CHRM3: variants seen among roughly 807,000 people sequenced by gnomAD.
CHRM3 encodes cholinergic receptor muscarinic 3.
A neutral mutation model predicts 41.8 loss-of-function variants in CHRM3; 11 were observed. The ratio of observed to expected loss-of-function variants is 0.26; its 90% CI spans 0.17 to 0.44. CHRM3 has a LOEUF of 0.44. Ranked by LOEUF, CHRM3 falls within the 20% of genes least tolerant of loss-of-function variation. The probability of loss-of-function intolerance (pLI) is 1.00; values close to 1 mark genes in which losing one functional copy is unlikely to be tolerated. For missense variants in CHRM3, 571 were observed against 745.4 expected, an observed-to-expected ratio of 0.77 and a Z score of 2.72; for synonymous variants, 297 against 301.4, an observed-to-expected ratio of 0.99 and a Z score of 0.15.
At position 239,908,349 on chromosome 1, in the gene CHRM3, A is replaced by C. The variant is rs1680129645; in HGVS notation, c.898A>C (p.Met300Leu). Residue 300 changes from methionine (M) to leucine (L), a missense_variant, in exon 7 of 7, where the codon ATG becomes CTG. Around this residue, in one of 5 missense-constraint regions of CHRM3, gnomAD observed 239 missense variants for 239.6 expected, o/e 1.00. Transcript: ENST00000676153. The surrounding 1 kb of genome is among the most constrained non-coding windows in gnomAD (Gnocchi z 7.2). ...CSSYELQQQS[M>L]KRSNRRKYGR... is the part of the protein sequence containing the mutation. Reference sequence around the variant, plus strand: ...CAGTTACGAACTTCAACAGCAAAGCATGAAACGCTCCAACAGGAGGAAGTA... The same window carrying C: ...CAGTTACGAACTTCAACAGCAAAGCCTGAAACGCTCCAACAGGAGGAAGTA... 3.1e-6 allele frequency: 5 copies of C among 1,614,002 alleles called. No homozygotes were observed. Among genetic ancestry groups the C allele is most frequent in the Admixed American group, 1.7e-5 (1 of 60,008 alleles).
intron 5 of CHRM3, among the ~76,000 whole-genome samples, chr1:239,741,897 T>G (rs1319984714): frequency 1.3e-5 from 2 of 152,210 alleles, no homozygotes; most frequent in Non-Finnish European, 2.9e-5. Flanking sequence ...CAACCTCATT[T>G]CTACCTATCC....
intron 6 of CHRM3, among the ~76,000 whole-genome samples, chr1:239,895,654 C>T (rs1208781760): frequency 6.6e-6 from 1 of 152,154 alleles, no homozygotes; most frequent in Non-Finnish European, 1.5e-5. Flanking sequence ...AAAATGAGAT[C>T]ATGTCCTTTG....
chr1:239,825,583 A>G (rs1011600167), intron 5 of CHRM3, among the ~76,000 whole-genome samples: 3 of 152,250 alleles, frequency 2.0e-5, no homozygotes, highest in Admixed American at 6.5e-5. Context: ...ACCTACATTC[A>G]TAGCAGCATT....
chr1:239,670,116 G>A (rs116097394), intron 4 of CHRM3, among the ~76,000 whole-genome samples: 22 of 152,198 alleles, frequency 1.4e-4, no homozygotes, highest in South Asian at 6.2e-4. Flanking sequence ...AATAACAAGC[G>A]CTCATCTTTA....
At chr1:239,813,022 G>A (rs1438709361) in intron 5 of CHRM3, among the ~76,000 whole-genome samples, 1 of 152,206 alleles carries the variant, frequency 6.6e-6, no homozygotes, top group East Asian at 1.9e-4. Context: ...GCTCATGCCT[G>A]TAATCCCAGC....
chr1:239,590,872 GA>G (rs943625393), intron 3 of CHRM3, among the ~76,000 whole-genome samples: 5 of 150,484 alleles, frequency 3.3e-5, no homozygotes, highest in South Asian at 2.1e-4. Flanking sequence ...ATTTTCATGG[GA>G]AAAAAAAAGA....
Position 239,888,354 on chromosome 1 carries a change from G to A in CHRM3, c.-19-19079G>A, listed in dbSNP as rs184391585. Reference sequence around the variant, plus strand: ...CTGCATTCCACACTCCAGCCTGAGCGAGAGACTCTGTCTCAAAAAAAAAAG... The same window carrying A: ...CTGCATTCCACACTCCAGCCTGAGCAAGAGACTCTGTCTCAAAAAAAAAAG... On this transcript the variant is annotated intron_variant, in intron 6 of 6. Coordinates refer to ENST00000676153, the MANE Select transcript of CHRM3 (RefSeq NM_001375978.1). Among the ~76,000 whole-genome samples the A allele has an allele frequency of 1.2e-4, 18 of 150,518 alleles. 1 individual carries two copies. Among genetic ancestry groups the A allele is most frequent in the South Asian group, 4.2e-4 (2 of 4,766 alleles).
intron 2 of CHRM3, among the ~76,000 whole-genome samples, chr1:239,508,649 T>TA (rs1668728629): frequency 6.6e-6 from 1 of 152,192 alleles, no homozygotes; most frequent in Admixed American, 6.5e-5. Context: ...AGTACGTTCT[T>TA]ACGAAATCAG....
In CHRM3 at chr1:239,685,620, C is replaced by T. The variant is rs183923323; in HGVS notation, c.-147+7332C>T. Among the ~76,000 whole-genome samples the T allele has an allele frequency of 3.7e-3, 557 of 152,140 alleles. 1 individual carries two copies. The highest frequency in any genetic ancestry group is 0.013 in the African/African-American group (532 of 41,496). ...AGCAGATCACCTGAGGTCAGGAATT[C>T]GAGACCAGCCTGGCCAACATAGTGA... On this transcript the variant is annotated intron_variant, in intron 5 of 6. Transcript: ENST00000676153.
intron 5 of CHRM3, among the ~76,000 whole-genome samples, chr1:239,692,775 G>A (rs938219657): frequency 3.3e-5 from 5 of 152,132 alleles, no homozygotes; most frequent in Admixed American, 6.5e-5. Flanking sequence ...CCAATGTAAA[G>A]GCTTTACACT....
At chr1:239,556,984 A>T (rs1401024765) in intron 3 of CHRM3, among the ~76,000 whole-genome samples, 1 of 152,144 alleles carries the variant, frequency 6.6e-6, no homozygotes, top group African/African-American at 2.4e-5. Context: ...AATTTTTTTA[A>T]AAATTTTAAA....
At chr1:239,744,395 C>T (rs1665158915) in intron 5 of CHRM3, among the ~76,000 whole-genome samples, 1 of 151,930 alleles carries the variant, frequency 6.6e-6, no homozygotes, top group Non-Finnish European at 1.5e-5. Flanking sequence ...GGGGGAATAG[C>T]AGATTGCAAT....
intron 1 of CHRM3, among the ~76,000 whole-genome samples, chr1:239,396,171 C>G (rs1659459074): frequency 6.6e-6 from 1 of 152,120 alleles, no homozygotes; most frequent in Non-Finnish European, 1.5e-5. Flanking sequence ...TCACTTTTAT[C>G]CCTGATTACA....
intron 5 of CHRM3, among the ~76,000 whole-genome samples, chr1:239,821,971 T>C (rs1246353064): frequency 6.6e-6 from 1 of 152,168 alleles, no homozygotes; most frequent in Non-Finnish European, 1.5e-5. Flanking sequence ...CCTGCCACCC[T>C]GTGAGGAAGG....
At chr1:239,609,386 T>C (rs1666737267) in intron 3 of CHRM3, among the ~76,000 whole-genome samples, 1 of 152,230 alleles carries the variant, frequency 6.6e-6, no homozygotes, top group Admixed American at 6.5e-5. Flanking sequence ...ACTATTTGTT[T>C]ATCCAGTCAC....
intron 5 of CHRM3, chr1:239,718,705 A>G (rs1006741088): frequency 3.8e-4 from 57 of 151,994 alleles, no homozygotes; most frequent in African/African-American, 1.4e-3. Flanking sequence ...TGAAGAAAAC[A>G]CAAGGAAAGA....
At chr1:239,430,954 C>A (rs1024896927) in intron 1 of CHRM3, among the ~76,000 whole-genome samples, 5 of 152,066 alleles carry the variant, frequency 3.3e-5, no homozygotes, top group African/African-American at 1.2e-4. Context: ...TTTCAACATA[C>A]TGATGTACTA....
chr1:239,666,160 C>T (rs1450354572), intron 4 of CHRM3, among the ~76,000 whole-genome samples: 13 of 151,486 alleles, frequency 8.6e-5, no homozygotes, highest in Non-Finnish European at 1.3e-4. Flanking sequence ...TCCTATTTCT[C>T]CACATCCTCT....
At chr1:239,791,031 G>A (rs1669303209) in intron 5 of CHRM3, among the ~76,000 whole-genome samples, 1 of 144,192 alleles carries the variant, frequency 6.9e-6, no homozygotes, top group African/African-American at 2.6e-5. Flanking sequence ...GAAAATATCT[G>A]TAGGAGTCGC....
Sources: allele counts gnomAD v4.1 joint callset (sites outside exome capture counted in the v4.1 genomes callset), GRCh38; gene constraint gnomAD v4.1.1; regional missense constraint gnomAD v4.1.1; non-coding constraint Gnocchi (gnomAD v3.1); transcripts MANE v1.5; gene names NCBI Gene and HGNC (gene_info 2026-07-23, HGNC 2026-07-21).